Variants in APTX observed in about 807,000 individuals in gnomAD.
APTX encodes the protein forkhead-associated domain histidine triad-like protein.
Under a neutral mutation model 42.3 loss-of-function variants are expected in APTX, and 33 were observed. The ratio of observed to expected loss-of-function variants is 0.78; its 90% CI spans 0.59 to 1.04. The LOEUF (loss-of-function observed/expected upper bound fraction) is 1.04, where lower values mean the gene tolerates loss of function less well. APTX is among the 50% of genes least tolerant of loss of function. APTX has a pLI of 0.00. For missense variants in APTX, 421 were observed against 415.1 expected (o/e 1.01, Z -0.12); for synonymous variants, 130 against 146.7 (o/e 0.89, Z 0.82).
rs181099067 is a variant in APTX at position 33,023,049 on chromosome 9, A to T, written c.-5+1974T>A. Among the ~76,000 whole-genome samples the T allele has an allele frequency of 2.6e-5, 4 of 152,146 alleles. No individual in the cohort carries two copies. The East Asian group carries it at 7.7e-4, about 29-fold the overall frequency. ...TTATTATGTTGCTCAGGCTGGTCTC[A>T]AACTCCGGGACTCAAGGGATCCGCC... On this transcript the variant is annotated intron_variant, in intron 1 of 6. Transcript: ENST00000436040.
chr9:33,012,461 G>A (rs2119238898), intron 1 of APTX, among the ~76,000 whole-genome samples: 1 of 152,184 alleles, frequency 6.6e-6, no homozygotes. Flanking sequence ...TTTTGCCAAT[G>A]GGACACTACC....
intron 6 of APTX, among the ~76,000 whole-genome samples, chr9:32,977,973 A>G: frequency 6.6e-6 from 1 of 152,248 alleles, no homozygotes; most frequent in East Asian, 1.9e-4. Context: ...TCTAATTTGT[A>G]GGAAAACTAG....
rs1020364959 is a variant in APTX, at chr9:32,998,680, T to G, written c.-5+2887A>C. On this transcript the variant is annotated intron_variant, in intron 1 of 7. Transcript: ENST00000379817. Reference sequence around the variant, plus strand: ...GTGGGAGTTGAACAATGAGAACACATGGGCAGAGGGAGGGGAACATCACAC... The same window carrying G: ...GTGGGAGTTGAACAATGAGAACACAGGGGCAGAGGGAGGGGAACATCACAC... Among the ~76,000 whole-genome samples the G allele has an allele frequency of 4.8e-4, 72 of 149,076 alleles. 1 individual carries two copies. Among genetic ancestry groups the G allele is most frequent in the African/African-American group, 1.2e-4 (5 of 40,272 alleles).
chr9:33,005,116 TTTTTG>T (rs754739261), upstream of APTX, among the ~76,000 whole-genome samples: 43 of 152,244 alleles, frequency 2.8e-4, no homozygotes, highest in Non-Finnish European at 4.3e-4. Flanking sequence ...AATGGGGTTA[TTTTTG>T]TTTTGTTTTG....
intron 1 of APTX, among the ~76,000 whole-genome samples, chr9:33,017,718 T>G (rs1411374056): frequency 3.3e-5 from 5 of 152,152 alleles, no homozygotes; most frequent in Non-Finnish European, 5.9e-5. Context: ...CAAGGCCCTC[T>G]CCGGGAGCTC....
At chr9:33,024,955 G>C (rs1328867324) in intron 1 of APTX, 1 of 151,254 alleles carries the variant, frequency 6.6e-6, no homozygotes, top group South Asian at 2.1e-4. Flanking sequence ...CCGCCCTCGC[G>C]GGCCCAGGCG....
At chr9:32,989,024 G>A (rs1832893141) in intron 2 of APTX, among the ~76,000 whole-genome samples, 1 of 152,176 alleles carries the variant, frequency 6.6e-6, no homozygotes, top group Non-Finnish European at 1.5e-5. Context: ...CCCCAGAGAG[G>A]ACAGGGTGCC....
chr9:32,985,706 A>G (rs1040479808), intron 5 of APTX, among the ~76,000 whole-genome samples: 2 of 152,168 alleles, frequency 1.3e-5, no homozygotes, highest in Non-Finnish European at 2.9e-5. Flanking sequence ...ACTAAGGTTA[A>G]TGCAACTTCC....
At chr9:32,979,131 C>T (rs539312178) in intron 6 of APTX, among the ~76,000 whole-genome samples, 1 of 152,122 alleles carries the variant, frequency 6.6e-6, no homozygotes, top group African/African-American at 2.4e-5. Context: ...CAGATTGTTT[C>T]GCCACCCAGG....
chr9:32,981,156 C>G (rs1032770177), intron 6 of APTX, among the ~76,000 whole-genome samples: 1 of 152,176 alleles, frequency 6.6e-6, no homozygotes, highest in African/African-American at 2.4e-5. Context: ...AAGTACTGTA[C>G]TCTAGTTAGT....
In APTX at chr9:32,973,387, G is replaced by C; in HGVS notation, c.*111C>G. ...AATAATAGAATAAATTTGTGAAAAA[G>C]CTGCATGTTTTAATTTAGGAAATGA... On this transcript the variant is annotated 3_prime_UTR_variant, in exon 8 of 8. Transcript: ENST00000379817. 1 of 1,268,194 alleles carries C rather than the reference G, an allele frequency of 7.9e-7. No homozygotes were observed. Among genetic ancestry groups the C allele is most frequent in the Non-Finnish European group, 1.1e-6 (1 of 872,502 alleles). 78.6% of individuals were successfully genotyped at this position (1,268,194 alleles called of 1,614,324 possible). A position where few individuals can be genotyped will look rare whatever the true frequency, so the allele number is the denominator to read the frequency against.
chr9:33,018,428 C>T (rs1206054241), intron 1 of APTX, among the ~76,000 whole-genome samples: 31 of 149,266 alleles, frequency 2.1e-4, no homozygotes, highest in Admixed American at 1.5e-3. Flanking sequence ...ATTAGCCAGA[C>T]GTGGTGGCAG....
chr9:33,019,840 T>C (rs1453164034), intron 1 of APTX: 6 of 642,642 alleles, frequency 9.3e-6, no homozygotes, highest in Middle Eastern at 3.2e-4. Flanking sequence ...TGCCGCTCAC[T>C]GTGAGATCCT....
At chr9:32,987,896 AC>A (rs761526370) in intron 3 of APTX, 50 bp from the exon 4 acceptor site, 18 of 1,599,300 alleles carry the variant, frequency 1.1e-5, no homozygotes, top group Non-Finnish European at 1.5e-5. Context: ...AACAGCACCT[AC>A]AGTAAGATAG....
intron 1 of APTX, among the ~76,000 whole-genome samples, chr9:33,022,523 G>A (rs755173435): frequency 2.9e-4 from 44 of 152,178 alleles, no homozygotes; most frequent in Non-Finnish European, 2.9e-4. Context: ...AATTCTAGCT[G>A]TCCATCCAAC....
At chr9:33,018,392 A>ACC (rs1838077298) in intron 1 of APTX, among the ~76,000 whole-genome samples, 1 of 151,390 alleles carries the variant, frequency 6.6e-6, no homozygotes, top group Middle Eastern at 3.4e-3. Context: ...ACATGGTGAA[A>ACC]CCCCGTCTCT....
chr9:33,000,625 C>CAAAAAAAAAAAAAAAAAAAAAAA (rs60760701), intron 1 of APTX, among the ~76,000 whole-genome samples: 4 of 63,452 alleles, frequency 6.3e-5, no homozygotes, highest in African/African-American at 1.2e-4. Context: ...GACTCTGTCT[C>CAAAAAAAAAAAAAAAAAAAAAAA]AAAAAAAAAA....
At chr9:32,994,003 G>A (rs1834261851) in intron 1 of APTX, among the ~76,000 whole-genome samples, 1 of 152,180 alleles carries the variant, frequency 6.6e-6, no homozygotes, top group Non-Finnish European at 1.5e-5. Context: ...ACAGGCGTGA[G>A]CCACCGCGCC....
intron 1 of APTX, among the ~76,000 whole-genome samples, chr9:32,991,186 A>G (rs530458572): frequency 6.6e-6 from 1 of 152,272 alleles, no homozygotes; most frequent in Non-Finnish European, 1.5e-5. Context: ...TCGGCCTCCC[A>G]AAGTGCTGGG....
Sources: gnomAD v4.1 joint callset for allele counts (sites outside exome capture counted in the v4.1 genomes callset) on GRCh38, gnomAD v4.1.1 for gene constraint, MANE v1.5 for transcripts, NCBI Gene and HGNC (gene_info 2026-07-23, HGNC 2026-07-21) for gene names.